Variants in USP15 observed in about 807,000 individuals in gnomAD.
USP15 encodes ubiquitin carboxyl-terminal hydrolase 15.
A neutral mutation model predicts 127.1 loss-of-function variants in USP15; 18 were observed. That is an observed-to-expected ratio of 0.14 (90% CI 0.10 to 0.21). The LOEUF (loss-of-function observed/expected upper bound fraction) is 0.21, where lower values mean the gene tolerates loss of function less well. Among genes scored for constraint, USP15 ranks in the 10% least tolerant of loss-of-function variants. The pLI, the probability that USP15 is intolerant of heterozygous loss-of-function variation, is 1.00. For missense variants in USP15, 805 were observed against 1,159.9 expected, an observed-to-expected ratio of 0.69 and a Z score of 4.44; for synonymous variants, 364 against 393.7, an observed-to-expected ratio of 0.92 and a Z score of 0.89.
intron 20 of USP15, among the ~76,000 whole-genome samples, chr12:62,400,956 CTG>C (rs2067667362): frequency 6.6e-6 from 1 of 151,944 alleles, no homozygotes; most frequent in Non-Finnish European, 1.5e-5. Context: ...TAAAAATAAT[CTG>C]TTTTTTCCTG....
chr12:62,289,524 C>T (rs1212765975), intron 1 of USP15, among the ~76,000 whole-genome samples: 1 of 151,838 alleles, frequency 6.6e-6, no homozygotes, highest in Non-Finnish European at 1.5e-5. Flanking sequence ...GCAGTCTGTC[C>T]GTTTTGTTTC....
chr12:62,393,344 C>G (rs2067381025), intron 19 of USP15, 142 bp downstream of exon 19: 4 of 889,260 alleles, frequency 4.5e-6, no homozygotes. Flanking sequence ...GTAGTTCTAA[C>G]AGTTTATAAG....
rs906313106 is a variant in USP15, at chr12:62,391,442, G to T, written c.2233+13G>T. The T allele has an allele frequency of 4.4e-6, 7 of 1,585,822 alleles. No homozygotes were observed. In the African/African-American group the frequency reaches 9.6e-5, roughly 22 times the overall value. On this transcript the variant is annotated intron_variant, in intron 16 of 21. Coordinates refer to ENST00000280377, the MANE Select transcript of USP15 (RefSeq NM_001252078.2). Reference sequence around the variant, plus strand: ...CTTAGGCTAGATGGTAAGTATTTGTGAAAAATGGCTTGAACATTAAACAAG... The same window carrying T: ...CTTAGGCTAGATGGTAAGTATTTGTTAAAAATGGCTTGAACATTAAACAAG...
chr12:62,389,649 C>A lies in USP15; in HGVS notation c.1602C>A (p.Phe534Leu). 1.2e-6 allele frequency: 2 copies of A among 1,612,960 alleles called. No homozygotes were observed. The highest frequency in any genetic ancestry group is 1.1e-5 in the South Asian group (1 of 91,014). ...ACAATCATAGATTTCACAGAATATT[C>A]GCTATGGATGAAAACCTTAGTAGTA... ...DIYNHRFHRI[F>L]AMDENLSSIM... Residue 534 changes from phenylalanine (F) to leucine (L), a missense_variant, in exon 13 of 22, where the codon TTC becomes TTA. Transcript: ENST00000280377.
intron 6 of USP15, among the ~76,000 whole-genome samples, chr12:62,331,417 C>G (rs1224928155): frequency 6.6e-6 from 1 of 152,158 alleles, no homozygotes; most frequent in Non-Finnish European, 1.5e-5. Context: ...TGTTTATTGA[C>G]ATTTACTAGG....
chr12:62,265,651 A>G (rs2063174967), intron 1 of USP15, among the ~76,000 whole-genome samples: 1 of 152,068 alleles, frequency 6.6e-6, no homozygotes, highest in Middle Eastern at 3.2e-3. Context: ...GGCTCAAGCA[A>G]TTTTCCTGCC....
intron 6 of USP15, chr12:62,335,352 A>G (rs2065428474): frequency 2.1e-6 from 3 of 1,435,326 alleles, no homozygotes; most frequent in Non-Finnish European, 1.8e-6. Flanking sequence ...GAATCAGAAG[A>G]GATAAATGAT....
At chr12:62,364,615 G>C (rs2066422204) in intron 8 of USP15, among the ~76,000 whole-genome samples, 1 of 151,990 alleles carries the variant, frequency 6.6e-6, no homozygotes, top group African/African-American at 2.4e-5. Flanking sequence ...GCAAAATGCA[G>C]TTTTGTTACA....
chr12:62,265,794 A>G (rs1392928487), intron 1 of USP15, among the ~76,000 whole-genome samples: 2 of 152,150 alleles, frequency 1.3e-5, no homozygotes, highest in Non-Finnish European at 2.9e-5. Context: ...TGATCCTCTG[A>G]CTTCAGCCTC....
intron 16 of USP15, among the ~76,000 whole-genome samples, 189 bp from the exon 17 acceptor site, chr12:62,391,627 C>A (rs921479266): frequency 6.6e-6 from 1 of 151,922 alleles, no homozygotes; most frequent in Non-Finnish European, 1.5e-5. Flanking sequence ...TGAACTCATG[C>A]TTCAGTTTTC....
chr12:62,282,345 A>C (rs1048031423), intron 1 of USP15, among the ~76,000 whole-genome samples: 3 of 152,158 alleles, frequency 2.0e-5, no homozygotes, highest in Non-Finnish European at 2.9e-5. Flanking sequence ...AAAAATAAAT[A>C]AATAAGTTTA....
At chr12:62,351,337 C>T (rs970106838) in intron 7 of USP15, among the ~76,000 whole-genome samples, 13 of 151,044 alleles carry the variant, frequency 8.6e-5, no homozygotes, top group Admixed American at 7.3e-4. Flanking sequence ...GTTTGTATTA[C>T]ATGAGAGCTT....
rs1330372712 is a variant in USP15, at chr12:62,325,853, T to C, written c.622-19T>C. 1.9e-6 allele frequency: 3 copies of C among 1,596,796 alleles called. No homozygotes were observed. Among genetic ancestry groups the C allele is most frequent in the Admixed American group, 1.7e-5 (1 of 57,656 alleles). On this transcript the variant is annotated intron_variant, in intron 5 of 21. Transcript: ENST00000280377. ...TCAGAGTTATGGAAAAACACCCTTT[T>C]ATTGTGTCATATTTGCAGGTATTAG...
intron 2 of USP15, among the ~76,000 whole-genome samples, chr12:62,300,193 G>A (rs1374037580): frequency 2.0e-5 from 3 of 151,522 alleles, no homozygotes; most frequent in Non-Finnish European, 4.4e-5. Flanking sequence ...TTGTGCTTTT[G>A]GTGTCAGAGA....
chr12:62,396,445 A>G, intron 20 of USP15, 47 bp downstream of exon 20: 1 of 1,506,116 alleles, frequency 6.6e-7, no homozygotes, highest in Non-Finnish European at 9.2e-7. Context: ...TGTTTGAAGA[A>G]CTCCAGACTT....
intron 7 of USP15, 55 bp downstream of exon 7, chr12:62,349,362 CA>C (rs1004298690): frequency 2.6e-6 from 3 of 1,168,448 alleles, no homozygotes; most frequent in South Asian, 2.1e-5. Flanking sequence ...ATTATGGTTG[CA>C]AAAAATCTCT....
intron 7 of USP15, among the ~76,000 whole-genome samples, chr12:62,354,505 G>T (rs899883642): frequency 1.3e-5 from 2 of 151,740 alleles, no homozygotes; most frequent in African/African-American, 4.8e-5. Context: ...TAAAAAATAA[G>T]AAAGAATCCA....
At chr12:62,345,070 T>TTTGCCGGCTTGAATTTCTCCTC in intron 6 of USP15, among the ~76,000 whole-genome samples, 2 of 152,158 alleles carry the variant, frequency 1.3e-5, no homozygotes. Flanking sequence ...GCTCGGTACT[T>TTTGCCGGCTTGAATTTCTCCTC]TTGCCGGCTT....
intron 18 of USP15, 95 bp downstream of exon 18, chr12:62,392,482 T>C: frequency 1.2e-6 from 1 of 863,360 alleles, no homozygotes; most frequent in Non-Finnish European, 1.7e-6. Flanking sequence ...TACTAAATTC[T>C]CTTTGATGTT....
Sources: allele counts gnomAD v4.1 joint callset (sites outside exome capture counted in the v4.1 genomes callset), GRCh38; gene constraint gnomAD v4.1.1; transcripts MANE v1.5; gene names NCBI Gene and HGNC (gene_info 2026-07-23, HGNC 2026-07-21).